Variants in SHANK2 observed in about 807,000 individuals in gnomAD.
SHANK2 encodes SH3 and multiple ankyrin repeat domains 2.
SHANK2 carries 43 observed loss-of-function variants against 133.7 expected under a neutral mutation model. The ratio of observed to expected loss-of-function variants is 0.32; its 90% confidence interval spans 0.25 to 0.41. The LOEUF (loss-of-function observed/expected upper bound fraction) is 0.41. Ranked by LOEUF, SHANK2 falls within the 10% of genes least tolerant of loss-of-function variation. SHANK2 has a pLI of 1.00. For missense variants in SHANK2, 1,994 were observed against 2,235.8 expected, an observed-to-expected ratio of 0.89 and a Z score of 2.18; for synonymous variants, 1,017 against 952.8, an observed-to-expected ratio of 1.07 and a Z score of -1.24.
chr11:71,136,257 C>A (rs1490325451), intron 3 of SHANK2, among the ~76,000 whole-genome samples: 5 of 152,116 alleles, frequency 3.3e-5, no homozygotes, highest in Non-Finnish European at 5.9e-5. Context: ...CAGGGTCCAC[C>A]AAGACTGGAT....
rs545576539 is a variant in SHANK2, at chr11:70,736,592, G to A, written c.1778-37829C>T. 3.7e-4 allele frequency among the ~76,000 whole-genome samples: 56 copies of A among 152,312 alleles called. 1 individual carries two copies. Among genetic ancestry groups the A allele is most frequent in the Middle Eastern group, 3.4e-3 (1 of 294 alleles). ...ACCAGGAGGTGGACGAGGCAGGAAG[G>A]ACCCTCCCCTAGCAACTGTGGAGGG... On this transcript the variant is annotated intron_variant, in intron 14 of 25. Transcript: ENST00000601538.
chr11:70,671,330 G>A (rs1944802803), intron 15 of SHANK2, among the ~76,000 whole-genome samples: 1 of 152,078 alleles, frequency 6.6e-6, no homozygotes, highest in South Asian at 2.1e-4. Flanking sequence ...GAGCACCCCG[G>A]TGGAACCCCA....
chr11:70,633,412 C>T (rs2061027445), intron 17 of SHANK2: 1 of 152,060 alleles, frequency 6.6e-6, no homozygotes, highest in African/African-American at 2.4e-5. Context: ...CCCTCAACAA[C>T]ATGATAGAAA....
rs915076411 is a variant in SHANK2, at chr11:70,473,652, C to T, written c.4980-213G>A. ...AAGTTGGAGACACCAGAGCACACCA[C>T]GTCAGCCCACTCACCTGAACTGGGA... On this transcript the variant is annotated intron_variant, in intron 25 of 25. Coordinates refer to ENST00000601538, the MANE Select transcript of SHANK2 (RefSeq NM_012309.5). The surrounding 1 kb of genome is among the most constrained non-coding windows in gnomAD (Gnocchi z 5.9). The T allele has an allele frequency of 1.1e-5, 7 of 644,998 alleles. No individual in the cohort carries two copies. Among genetic ancestry groups the T allele is most frequent in the African/African-American group, 5.3e-5 (3 of 56,232 alleles). 40.0% of individuals were successfully genotyped at this position (644,998 alleles called of 1,614,324 possible). A position where few individuals can be genotyped will look rare whatever the true frequency, so the allele number is the denominator to read the frequency against.
rs1012017930 is a variant in SHANK2 at position 70,799,133 on chromosome 11, C to T, written c.1664-577G>A. Among the ~76,000 whole-genome samples the T allele has an allele frequency of 7.9e-5, 12 of 152,276 alleles. No individual in the cohort carries two copies. In the East Asian group the frequency reaches 2.3e-3, roughly 30 times the overall value. ...CAGCAGAGGTCTGGGCGCGGTGGCTCATGCCTGTAATCCCAGCACTTTGGG... is the reference window on the plus strand; with the variant it reads ...CAGCAGAGGTCTGGGCGCGGTGGCTTATGCCTGTAATCCCAGCACTTTGGG... On this transcript the variant is annotated intron_variant, in intron 13 of 25. Transcript: ENST00000601538.
chr11:70,850,676 C>T (rs1358468259), intron 11 of SHANK2, among the ~76,000 whole-genome samples: 1 of 152,210 alleles, frequency 6.6e-6, no homozygotes, highest in Non-Finnish European at 1.5e-5. Context: ...CTCCCGTGGG[C>T]TCCTGGGGAG....
chr11:71,135,534 T>A (rs546019543), intron 3 of SHANK2, among the ~76,000 whole-genome samples: 23 of 147,478 alleles, frequency 1.6e-4, no homozygotes, highest in African/African-American at 5.8e-4. Flanking sequence ...TCACCCAGGC[T>A]GGAGTGCAAT....
intron 10 of SHANK2, among the ~76,000 whole-genome samples, chr11:70,938,452 C>T (rs1156381435): frequency 1.3e-5 from 2 of 152,186 alleles, no homozygotes; most frequent in African/African-American, 4.8e-5. Context: ...CAGCTCTACT[C>T]AAGGGATTAC....
intron 9 of SHANK2, among the ~76,000 whole-genome samples, chr11:71,060,119 G>A (rs1217195524): frequency 3.9e-5 from 6 of 152,160 alleles, no homozygotes; most frequent in East Asian, 1.9e-4. Flanking sequence ...GTTCTCAACC[G>A]GGGGTAATTT....
chr11:70,673,292 TAAA>T (rs11333382), intron 15 of SHANK2, among the ~76,000 whole-genome samples: 1 of 145,486 alleles, frequency 6.9e-6, no homozygotes. Context: ...GAATGTTCTT[TAAA>T]AAAAAAAAAA....
chr11:70,588,402 G>C (rs1554987304), intron 17 of SHANK2, among the ~76,000 whole-genome samples: 1 of 152,194 alleles, frequency 6.6e-6, no homozygotes, highest in Non-Finnish European at 1.5e-5. Flanking sequence ...CACCAGTTTA[G>C]CCAAGCTGTG....
intron 6 of SHANK2, among the ~76,000 whole-genome samples, chr11:71,105,393 G>GC (rs1169129501): frequency 6.6e-6 from 1 of 152,026 alleles, no homozygotes; most frequent in Non-Finnish European, 1.5e-5. Context: ...AGGAGTTTGA[G>GC]CCCAGCCTAG....
At chr11:70,948,614 G>A (rs917333842) in intron 10 of SHANK2, among the ~76,000 whole-genome samples, 8 of 152,122 alleles carry the variant, frequency 5.3e-5, no homozygotes, top group Non-Finnish European at 1.0e-4. Context: ...CGCCAACTGC[G>A]TGCCCTCAGC....
chr11:70,551,541 C>G (rs1265562990), intron 17 of SHANK2, among the ~76,000 whole-genome samples: 8 of 152,228 alleles, frequency 5.3e-5, no homozygotes, highest in African/African-American at 1.7e-4. Flanking sequence ...GTGATGCTTG[C>G]CATGGCCTGC....
chr11:71,189,630 G>A (rs1953748477), intron 2 of SHANK2, among the ~76,000 whole-genome samples: 1 of 152,184 alleles, frequency 6.6e-6, no homozygotes, highest in African/African-American at 2.4e-5. Flanking sequence ...AAACTCCTGG[G>A]CTCAAGCAAT....
rs532367555 is a variant in SHANK2 at position 71,116,025 on chromosome 11, G to A, written c.412-2661C>T. Among the ~76,000 whole-genome samples, 12 of 152,322 alleles carry A rather than the reference G, an allele frequency of 7.9e-5. 1 individual carries two copies. In the South Asian group the frequency reaches 2.5e-3, roughly 32 times the overall value. ...CTCTAAACCACACAACTTCCAAGTG[G>A]CATCTCATCTTTTTCTACACTGAAA... is the stretch of plus-strand genomic sequence containing the variant. On this transcript the variant is annotated intron_variant, in intron 4 of 25. Transcript: ENST00000601538.
intron 5 of SHANK2, among the ~76,000 whole-genome samples, chr11:71,110,848 G>C (rs1209844084): frequency 6.6e-6 from 1 of 152,248 alleles, no homozygotes; most frequent in African/African-American, 2.4e-5. Context: ...AAAATTCATA[G>C]GTTGAATAAT....
chr11:70,650,098 G>A (rs1017121976), intron 17 of SHANK2, among the ~76,000 whole-genome samples: 3 of 152,232 alleles, frequency 2.0e-5, no homozygotes, highest in Admixed American at 1.3e-4. Flanking sequence ...GTGTGAGTGT[G>A]AGAGTCAGGG....
intron 17 of SHANK2, among the ~76,000 whole-genome samples, chr11:70,608,653 G>A (rs890394833): frequency 5.9e-5 from 9 of 152,184 alleles, no homozygotes; most frequent in Non-Finnish European, 1.3e-4. Flanking sequence ...CCGCAGGAGC[G>A]CTGCTTCCTC....
Sources: allele counts gnomAD v4.1 joint callset (sites outside exome capture counted in the v4.1 genomes callset), GRCh38; gene constraint gnomAD v4.1.1; non-coding constraint Gnocchi (gnomAD v3.1); transcripts MANE v1.5; gene names NCBI Gene and HGNC (gene_info 2026-07-23, HGNC 2026-07-21).